KIF7: variants seen among roughly 807,000 people sequenced by gnomAD.
The protein encoded by KIF7 is kinesin family member 7.
A neutral mutation model predicts 135.7 loss-of-function variants in KIF7; 104 were observed. The observed-to-expected ratio is 0.77, with a 90% CI of 0.65 to 0.90. The LOEUF (loss-of-function observed/expected upper bound fraction) is 0.90. KIF7 is among the 40% of genes least tolerant of loss of function. The pLI, the probability that KIF7 is intolerant of heterozygous loss-of-function variation, is 0.00. For missense variants in KIF7, 2,005 were observed against 1,839.1 expected, an observed-to-expected ratio of 1.09 and a Z score of -1.65; for synonymous variants, 883 against 809.4, an observed-to-expected ratio of 1.09 and a Z score of -1.54.
At position 89,649,341 on chromosome 15, in the gene KIF7, C is replaced by G; in HGVS notation, c.556G>C (p.Val186Leu). 6.8e-7 allele frequency: 1 copy of G among 1,466,766 alleles called. No individual in the cohort carries two copies. Among genetic ancestry groups the G allele is most frequent in the Admixed American group, 2.5e-5 (1 of 39,674 alleles). The allele number at this position is 1,466,766 out of a possible 1,614,324, so 90.9% of individuals were successfully genotyped here. ...VVLCGVKEVD[V>L]EGLDEVLSLL... is the part of the protein sequence containing the mutation. ...CTCAGCACCTCATCCAGGCCCTCCA[C>G]GTCGACCTCCTTCACCCCGCACAGC... The change falls in exon 4 of 19, where the codon GTG (valine) becomes CTG (leucine). Residue 186 changes from valine (V) to leucine (L), a missense_variant. By Grantham distance (32) the Val-to-Leu change is conservative (BLOSUM62 1). Transcript: ENST00000394412.
intron 14 of KIF7, 145 bp downstream of exon 14, chr15:89,632,675 G>C (rs910824938): frequency 1.7e-5 from 14 of 835,184 alleles, no homozygotes; most frequent in African/African-American, 3.3e-5. Flanking sequence ...TCACCTGGCA[G>C]GTTTATCACT....
At chr15:89,651,747 C>T (rs1359799984) in intron 2 of KIF7, among the ~76,000 whole-genome samples, 1 of 152,134 alleles carries the variant, frequency 6.6e-6, no homozygotes, top group Non-Finnish European at 1.5e-5. Context: ...CTTTCTGTAA[C>T]TGCTATGGTC....
At chr15:89,637,377 T>C (rs200843322) in intron 11 of KIF7, among the ~76,000 whole-genome samples, 3 of 150,122 alleles carry the variant, frequency 2.0e-5, no homozygotes, top group Non-Finnish European at 4.4e-5. Flanking sequence ...TTCAAAAAAT[T>C]AATGAATCCA....
chr15:89,648,805 C>T lies in KIF7; in HGVS notation c.924-31G>A. 2.6e-6 allele frequency: 4 copies of T among 1,516,132 alleles called. No individual in the cohort carries two copies. In the South Asian group the frequency reaches 3.7e-5, roughly 14 times the overall value. 93.9% of individuals were successfully genotyped at this position (1,516,132 alleles called of 1,614,324 possible). ...GGCGCGAGGGGGAGGCTCTCAGGGG[C>T]CCCGACGCTCCAGGCCCAGGGCCAG... On this transcript the variant is annotated intron_variant, in intron 4 of 18. Transcript: ENST00000394412.
At position 89,628,403 on chromosome 15, in the gene KIF7, G is replaced by T. The variant is rs1312260091; in HGVS notation, c.*16C>A. ...GGCTCGGAGTCTCCCTCCAAGGCAG[G>T]GTCTGCCCCGAGGGCTTACAGGGGG... On this transcript the variant is annotated 3_prime_UTR_variant, in exon 19 of 19. Coordinates refer to ENST00000394412, the MANE Select transcript of KIF7 (RefSeq NM_198525.3). The T allele has an allele frequency of 1.3e-6, 2 of 1,595,734 alleles. No homozygotes were observed. The highest frequency in any genetic ancestry group is 2.2e-5 in the East Asian group (1 of 44,698).
chr15:89,652,884 A>C lies in KIF7; in HGVS notation c.47T>G (p.Val16Gly), dbSNP rs1403402865. The part of the protein sequence containing the change: ...QRLPGAEEAP[V>G]RVALRVRPLL... ...TGGTCGAACTCGCAGGGCAACCCGC[A>C]CTGGGGCCTCCTCAGCCCCTGGCAG... Residue 16 changes from valine (V) to glycine (G), a missense_variant, in exon 2 of 19, where the codon GTG becomes GGG. Physicochemically the swap from Val to Gly is moderately radical, Grantham distance 109 (BLOSUM62 -3). Coordinates refer to ENST00000394412, the MANE Select transcript of KIF7 (RefSeq NM_198525.3). The C allele has an allele frequency of 6.5e-7, 1 of 1,540,002 alleles. No homozygotes were observed. Among genetic ancestry groups the C allele is most frequent in the Non-Finnish European group, 8.8e-7 (1 of 1,141,382 alleles).
At chr15:89,619,282 C>T (rs926940675) in intron 1 of KIF7, among the ~76,000 whole-genome samples, 1 of 129,102 alleles carries the variant, frequency 7.7e-6, no homozygotes, top group Non-Finnish European at 1.6e-5. Flanking sequence ...CTGGAGTGCA[C>T]TGGCATGCTC....
At position 89,649,961 on chromosome 15, in the gene KIF7, CCT is replaced by C; in HGVS notation, c.329-22_329-21del. 6.5e-7 allele frequency: 1 copy of C among 1,547,618 alleles called. No homozygotes were observed. Among genetic ancestry groups the C allele is most frequent in the Non-Finnish European group, 8.7e-7 (1 of 1,146,244 alleles). ...GGGAGGCTGGGGAGACACCGCAGGG[CCT>C]CCTGCCACTTCAGCTGGACACGGCC... On this transcript the variant is annotated intron_variant, in intron 2 of 18. Coordinates refer to ENST00000394412, the MANE Select transcript of KIF7 (RefSeq NM_198525.3).
chr15:89,628,287 C>G lies in KIF7; in HGVS notation c.*132G>C. ...GGGCCATGGCCCAAATTTGTTGATC[C>G]CAGTGAGGGTACAGATGAGGGCCTG... On this transcript the variant is annotated 3_prime_UTR_variant, in exon 19 of 19. Transcript: ENST00000394412. The G allele has an allele frequency of 3.4e-6, 4 of 1,191,814 alleles. No homozygotes were observed. The South Asian group carries it at 7.8e-5, about 23-fold the overall frequency. 73.8% of individuals were successfully genotyped at this position (1,191,814 alleles called of 1,614,324 possible). A position where few individuals can be genotyped will look rare whatever the true frequency, so the allele number is the denominator to read the frequency against.
chr15:89,624,962 C>T, downstream of KIF7: 2 of 1,614,142 alleles, frequency 1.2e-6, no homozygotes, highest in South Asian at 1.1e-5. Flanking sequence ...TGGCATTCCA[C>T]AGACTCTGCC....
downstream of KIF7, chr15:89,626,868 T>A: frequency 7.0e-7 from 1 of 1,421,980 alleles, no homozygotes; most frequent in South Asian, 1.3e-5. Context: ...AGTCTGTTTT[T>A]GTGTGTAACC....
At chr15:89,625,849 A>G, downstream of KIF7, 1 of 1,550,458 alleles carries the variant, frequency 6.4e-7, no homozygotes, top group Non-Finnish European at 8.7e-7. Context: ...CTTGACAAGG[A>G]GGCACTTGGG....
chr15:89,636,903 T>C (rs1332066080), intron 11 of KIF7, among the ~76,000 whole-genome samples: 1 of 147,286 alleles, frequency 6.8e-6, no homozygotes, highest in Admixed American at 6.8e-5. Context: ...ACCACACCTA[T>C]TCCAAAATTG....
chr15:89,640,179 T>C (rs1963892009), intron 11 of KIF7, among the ~76,000 whole-genome samples: 1 of 151,748 alleles, frequency 6.6e-6, no homozygotes, highest in Admixed American at 6.6e-5. Context: ...CACTGGGAGA[T>C]ATACCTAATG....
chr15:89,645,254 G>A (rs1320519841), intron 9 of KIF7, 82 bp downstream of exon 9: 3 of 1,597,390 alleles, frequency 1.9e-6, no homozygotes, highest in Non-Finnish European at 2.6e-6. Context: ...GGGATGGTGG[G>A]TGGGACTGTC....
At chr15:89,648,865 C>T in intron 4 of KIF7, 91 bp from the exon 5 acceptor site, 3 of 1,467,386 alleles carry the variant, frequency 2.0e-6, no homozygotes, top group South Asian at 1.4e-5. Flanking sequence ...TGGCGCGGTT[C>T]CCGTGGGCTG....
rs765625703 is a variant in KIF7, at chr15:89,628,644, G to A, written c.3807C>T (p.Val1269=). Residue 1269 remains valine, a synonymous_variant, in exon 19 of 19, where the codon GTC becomes GTT. Coordinates refer to ENST00000394412, the MANE Select transcript of KIF7 (RefSeq NM_198525.3). ...PRTREETRDL[V]HAPLPLTWKR... ...TCCAGGTCAAGGGTAACGGAGCGTG[G>A]ACCAAGTCCCGCGTCTCCTCCCGGG... 6.2e-7 allele frequency: 1 copy of A among 1,613,202 alleles called. No individual in the cohort carries two copies. The highest frequency in any genetic ancestry group is 1.3e-5 in the African/African-American group (1 of 75,022).
downstream of KIF7, chr15:89,624,706 C>G: frequency 2.5e-6 from 4 of 1,614,200 alleles, no homozygotes; most frequent in Non-Finnish European, 3.4e-6. Flanking sequence ...GCATGTCACT[C>G]TCCTCAGTGA....
chr15:89,638,654 C>A (rs981887313), intron 11 of KIF7, among the ~76,000 whole-genome samples: 5 of 150,750 alleles, frequency 3.3e-5, no homozygotes, highest in African/African-American at 1.2e-4. Context: ...AGGATACAAA[C>A]AAATGGAAGA....
Sources: allele counts gnomAD v4.1 joint callset (sites outside exome capture counted in the v4.1 genomes callset), GRCh38; gene constraint gnomAD v4.1.1; transcripts MANE v1.5; gene names NCBI Gene and HGNC (gene_info 2026-07-23, HGNC 2026-07-21).